Variants in GRAMD2A observed in about 807,000 individuals in gnomAD.
GRAMD2A encodes the protein GRAM domain containing 2A.
A neutral mutation model predicts 51.1 loss-of-function variants in GRAMD2A; 37 were observed. That is an observed-to-expected ratio of 0.72 (90% CI 0.56 to 0.95). The LOEUF is 0.95. Ranked by LOEUF, GRAMD2A falls within the 40% of genes least tolerant of loss-of-function variation. The pLI, the probability that GRAMD2A is intolerant of heterozygous loss-of-function variation, is 0.00. For missense variants in GRAMD2A, 414 were observed against 426.9 expected, an observed-to-expected ratio of 0.97 and a Z score of 0.27; for synonymous variants, 136 against 157.1, an observed-to-expected ratio of 0.87 and a Z score of 1.01.
chr15:72,195,931 A>G (rs552649534), intron 1 of GRAMD2A, among the ~76,000 whole-genome samples: 37 of 152,220 alleles, frequency 2.4e-4, no homozygotes, highest in African/African-American at 8.4e-4. Flanking sequence ...AAAAAAAAAG[A>G]AAGAAATTTG....
In GRAMD2A at chr15:72,186,328, AT is replaced by A. The variant is rs34888558; in HGVS notation, c.41+11402del. On this transcript the variant is annotated intron_variant, in intron 1 of 11. Transcript: ENST00000309731. ...TCTTTTTCTTTTATTTATTTATTTAATTTTTTTTTTTTTTGAGACAGAGTCT... is the reference window on the plus strand; with the variant it reads ...TCTTTTTCTTTTATTTATTTATTTAATTTTTTTTTTTTTGAGACAGAGTCT... 2.4e-3 allele frequency among the ~76,000 whole-genome samples: 345 copies of A among 144,740 alleles called. 2 individuals are homozygous for A. The highest frequency in any genetic ancestry group is 3.0e-3 in the Non-Finnish European group (196 of 65,642). 95.0% of individuals were successfully genotyped at this position (144,740 alleles called of 152,430 possible).
At chr15:72,163,499 A>G (rs1444809956) in intron 9 of GRAMD2A, 23 bp from the exon 10 acceptor site, 1 of 1,609,326 alleles carries the variant, frequency 6.2e-7, no homozygotes, top group African/African-American at 1.3e-5. Context: ...GGAGAAAAAA[A>G]AAATCAGCTC....
intron 1 of GRAMD2A, among the ~76,000 whole-genome samples, chr15:72,186,724 A>G (rs1436395578): frequency 2.0e-5 from 3 of 152,214 alleles, no homozygotes; most frequent in East Asian, 1.9e-4. Flanking sequence ...AATTATGGGG[A>G]AAAATGTAGA....
intron 1 of GRAMD2A, among the ~76,000 whole-genome samples, chr15:72,175,111 C>T (rs753755986): frequency 1.3e-5 from 2 of 152,094 alleles, no homozygotes; most frequent in Admixed American, 6.6e-5. Flanking sequence ...CCCACAGTTA[C>T]CCAGGCCAGA....
intron 1 of GRAMD2A, among the ~76,000 whole-genome samples, chr15:72,185,556 G>A (rs1014678600): frequency 3.3e-5 from 5 of 152,236 alleles, no homozygotes; most frequent in African/African-American, 1.2e-4. Context: ...CCAACAGGGT[G>A]CACGTGCATG....
chr15:72,161,920 G>A lies in GRAMD2A; in HGVS notation c.*89C>T, dbSNP rs564176088. The A allele has an allele frequency of 2.3e-5, 31 of 1,375,396 alleles. No homozygotes were observed. The Middle Eastern group carries it at 5.3e-4, about 24-fold the overall frequency. 85.2% of individuals were successfully genotyped at this position (1,375,396 alleles called of 1,614,324 possible). Reference sequence around the variant, plus strand: ...CTTCATAGGCAGTCTTAGCACAGCAGCAGCATAAACCACAGGGATCATTGG... The same window carrying A: ...CTTCATAGGCAGTCTTAGCACAGCAACAGCATAAACCACAGGGATCATTGG... On this transcript the variant is annotated 3_prime_UTR_variant, in exon 12 of 12. Coordinates refer to ENST00000309731, the MANE Select transcript of GRAMD2A (RefSeq NM_001012642.3).
At chr15:72,164,989 A>T (rs2140544278) in intron 8 of GRAMD2A, among the ~76,000 whole-genome samples, 1 of 152,354 alleles carries the variant, frequency 6.6e-6, no homozygotes, top group Middle Eastern at 3.4e-3. Flanking sequence ...AAATACAAAA[A>T]TTAGCTGAGT....
At chr15:72,196,991 T>C (rs767838466) in intron 1 of GRAMD2A, among the ~76,000 whole-genome samples, 17 of 152,288 alleles carry the variant, frequency 1.1e-4, no homozygotes, top group Non-Finnish European at 2.2e-4. Context: ...GGGGCAGGAA[T>C]TGACAGGTTC....
At chr15:72,163,509 C>T (rs1209134981) in intron 9 of GRAMD2A, 33 bp from the exon 10 acceptor site, 2 of 1,606,134 alleles carry the variant, frequency 1.2e-6, no homozygotes, top group South Asian at 1.1e-5. Context: ...AAAATCAGCT[C>T]TCAGAAGCCC....
At chr15:72,174,394 C>T (rs2081636812) in intron 1 of GRAMD2A, among the ~76,000 whole-genome samples, 2 of 152,144 alleles carry the variant, frequency 1.3e-5, no homozygotes, top group Admixed American at 6.6e-5. Flanking sequence ...CTTTTTGTCG[C>T]GCTAGGTGTT....
At chr15:72,172,769 C>T (rs2081623291) in intron 1 of GRAMD2A, among the ~76,000 whole-genome samples, 1 of 152,034 alleles carries the variant, frequency 6.6e-6, no homozygotes, top group Admixed American at 6.6e-5. Flanking sequence ...CTTAGTTTAT[C>T]ATTTTTGTGA....
chr15:72,175,454 G>A lies in GRAMD2A; in HGVS notation c.42-5515C>T, dbSNP rs1050428930. On this transcript the variant is annotated intron_variant, in intron 1 of 11. Coordinates refer to ENST00000309731, the MANE Select transcript of GRAMD2A (RefSeq NM_001012642.3). ...TTCCTGCTTTCCAGCCTCATCGCCCGTCATTCCCTCCCCTGCAGTACAGCC... is the reference window on the plus strand; with the variant it reads ...TTCCTGCTTTCCAGCCTCATCGCCCATCATTCCCTCCCCTGCAGTACAGCC... Among the ~76,000 whole-genome samples the A allele has an allele frequency of 6.6e-5, 10 of 152,156 alleles. No homozygotes were observed. In the South Asian group the frequency reaches 8.3e-4, roughly 13 times the overall value.
chr15:72,173,933 TAAAAAAAAAA>T (rs577222527), intron 1 of GRAMD2A: 3 of 66,672 alleles, frequency 4.5e-5, no homozygotes, highest in South Asian at 8.6e-4. Context: ...AAATTCTGTC[TAAAAAAAAAA>T]AAAAAAAAAA....
chr15:72,163,531 G>T lies in GRAMD2A; in HGVS notation c.746-55C>A, dbSNP rs776205865. On this transcript the variant is annotated intron_variant, in intron 9 of 11. Coordinates refer to ENST00000309731, the MANE Select transcript of GRAMD2A (RefSeq NM_001012642.3). ...GCTCTCAGAAGCCCTGCTGGCTGTG[G>T]TGAGCCCTTTTTATGGAACTGGGAA... 3.1e-5 allele frequency: 49 copies of T among 1,598,544 alleles called. No individual in the cohort carries two copies. In the East Asian group the frequency reaches 4.2e-4, roughly 14 times the overall value.
At chr15:72,169,614 G>A in intron 2 of GRAMD2A, 1 of 687,900 alleles carries the variant, frequency 1.5e-6, no homozygotes, top group South Asian at 1.5e-5. Flanking sequence ...CCAGAGCACA[G>A]GTGAGCAGGG....
rs564638728 is a variant in GRAMD2A at position 72,175,006 on chromosome 15, C to T, written c.42-5067G>A. Among the ~76,000 whole-genome samples, 240 of 152,246 alleles carry T rather than the reference C, an allele frequency of 1.6e-3. 1 individual carries two copies. Among genetic ancestry groups the T allele is most frequent in the Non-Finnish European group, 2.5e-3 (170 of 67,998 alleles). On this transcript the variant is annotated intron_variant, in intron 1 of 11. Transcript: ENST00000309731. The stretch of plus-strand genomic sequence containing the variant: ...CCCACACCCTCCCGAGCTTCACCCC[C>T]TGCCATCTAGACGTGTCCATGCATG...
intron 1 of GRAMD2A, among the ~76,000 whole-genome samples, chr15:72,185,018 A>T (rs1480182042): frequency 2.0e-5 from 3 of 152,172 alleles, no homozygotes; most frequent in African/African-American, 7.2e-5. Context: ...CGGTTACAAG[A>T]TCAATAGATC....
chr15:72,170,246 G>C lies in GRAMD2A; in HGVS notation c.42-307C>G, dbSNP rs1481206861. On this transcript the variant is annotated intron_variant, in intron 1 of 11. Coordinates refer to ENST00000309731, the MANE Select transcript of GRAMD2A (RefSeq NM_001012642.3). The surrounding 1 kb of genome is among the most constrained non-coding windows in gnomAD (Gnocchi z 4.5). ...TGCCAGGCAGCTCGTAGGCCAGGCT[G>C]AGTGAGGCCTCTAGCCCCACCCTTG... 1.9e-6 allele frequency: 1 copy of C among 532,064 alleles called. No individual in the cohort carries two copies. The highest frequency in any genetic ancestry group is 3.6e-6 in the Non-Finnish European group (1 of 276,928). 33.0% of individuals were successfully genotyped at this position (532,064 alleles called of 1,614,324 possible).
Position 72,170,209 on chromosome 15 carries a change from C to T in GRAMD2A, c.42-270G>A, listed in dbSNP as rs1225175405. ...GCTGGGAGGAAAATCAACCTGTCTA[C>T]CTCATCTCCAGTGCCAGGCAGCTCG... On this transcript the variant is annotated intron_variant, in intron 1 of 11. Transcript: ENST00000309731. The surrounding 1 kb of genome is among the most constrained non-coding windows in gnomAD (Gnocchi z 4.5). 5.2e-6 allele frequency: 3 copies of T among 581,544 alleles called. No homozygotes were observed. The highest frequency in any genetic ancestry group is 9.7e-6 in the Non-Finnish European group (3 of 308,490). The allele number at this position is 581,544 out of a possible 1,614,324, so 36.0% of individuals were successfully genotyped here. A position where few individuals can be genotyped will look rare whatever the true frequency, so the allele number is the denominator to read the frequency against.
Sources: gnomAD v4.1 joint callset for allele counts (sites outside exome capture counted in the v4.1 genomes callset) on GRCh38, gnomAD v4.1.1 for gene constraint, Gnocchi (gnomAD v3.1) non-coding constraint, MANE v1.5 for transcripts, NCBI Gene and HGNC (gene_info 2026-07-23, HGNC 2026-07-21) for gene names.